The following CDH13 variants were observed in gnomAD, a reference collection of about 807,000 sequenced individuals.
CDH13 encodes cadherin-13.
A neutral mutation model predicts 63.8 loss-of-function variants in CDH13; 24 were observed. The observed-to-expected ratio is 0.38, with a 90% CI of 0.27 to 0.53. The LOEUF is 0.53. Ranked by LOEUF, CDH13 falls within the 20% of genes least tolerant of loss-of-function variation. The pLI, the probability that CDH13 is intolerant of heterozygous loss-of-function variation, is 0.85. For synonymous variants in CDH13, 503 were observed against 355.3 expected (o/e 1.42, Z -4.67); for missense variants, 1,049 against 903.1 (o/e 1.16, Z -2.07).
intron 1 of CDH13, among the ~76,000 whole-genome samples, chr16:82,845,087 G>A (rs1287517348): frequency 6.6e-6 from 1 of 152,122 alleles, no homozygotes; most frequent in African/African-American, 2.4e-5. Flanking sequence ...TTCTTTGGGA[G>A]GTGATCCAGG....
At chr16:83,487,040 C>T (rs970536322) in intron 7 of CDH13, among the ~76,000 whole-genome samples, 2 of 152,164 alleles carry the variant, frequency 1.3e-5, no homozygotes, top group African/African-American at 4.8e-5. Flanking sequence ...ATCACACAGG[C>T]TGTCCTTGTT....
intron 1 of CDH13, among the ~76,000 whole-genome samples, chr16:82,729,230 A>G (rs1597421664): frequency 6.6e-6 from 1 of 152,298 alleles, no homozygotes; most frequent in Admixed American, 6.5e-5. Flanking sequence ...AATGGCTTCT[A>G]GAATGGTGAA....
At chr16:83,606,872 A>G (rs1298702624) in intron 8 of CDH13, among the ~76,000 whole-genome samples, 1 of 152,122 alleles carries the variant, frequency 6.6e-6, no homozygotes, top group Non-Finnish European at 1.5e-5. Flanking sequence ...AGCACCAGGT[A>G]TAACAGCCAG....
chr16:83,274,701 C>T (rs558352713), intron 5 of CDH13, among the ~76,000 whole-genome samples: 19 of 151,932 alleles, frequency 1.3e-4, no homozygotes, highest in Non-Finnish European at 2.2e-4. Flanking sequence ...GCTTCTACTG[C>T]AATGGTTCTC....
intron 1 of CDH13, among the ~76,000 whole-genome samples, chr16:82,782,949 C>G (rs142748551): frequency 6.6e-6 from 1 of 152,172 alleles, no homozygotes; most frequent in Non-Finnish European, 1.5e-5. Flanking sequence ...ACTTCCCAAA[C>G]AAGAACATAG....
intron 6 of CDH13, among the ~76,000 whole-genome samples, chr16:83,468,783 TG>T (rs2073383118): frequency 6.6e-6 from 1 of 152,224 alleles, no homozygotes; most frequent in African/African-American, 2.4e-5. Context: ...TTTTAAGTTC[TG>T]GGATACGTGT....
chr16:82,849,733 T>C (rs4299147), intron 1 of CDH13, among the ~76,000 whole-genome samples: 59,316 of 152,124 alleles, frequency 0.39, 12,509 homozygotes, highest in East Asian at 0.83. Context: ...CTGGGACTAA[T>C]GCAACTGATG....
chr16:83,037,054 GA>G (rs1916926419), intron 3 of CDH13, among the ~76,000 whole-genome samples: 1 of 152,218 alleles, frequency 6.6e-6, no homozygotes, highest in African/African-American at 2.4e-5. Flanking sequence ...CTTAAGCAGA[GA>G]AACAGGCAGG....
At chr16:83,762,969 G>A (rs1385991433) in intron 11 of CDH13, among the ~76,000 whole-genome samples, 2 of 152,174 alleles carry the variant, frequency 1.3e-5, no homozygotes, top group African/African-American at 2.4e-5. Flanking sequence ...TTCCCCCTAA[G>A]GCTCAGGGCA....
intron 10 of CDH13, among the ~76,000 whole-genome samples, chr16:83,685,972 G>A (rs908569661): frequency 1.3e-5 from 2 of 152,180 alleles, no homozygotes; most frequent in African/African-American, 4.8e-5. Context: ...ACATTTTTAT[G>A]TAGAACTTTA....
chr16:83,271,222 T>C (rs2088796974), intron 5 of CDH13, among the ~76,000 whole-genome samples: 1 of 151,654 alleles, frequency 6.6e-6, no homozygotes, highest in Non-Finnish European at 1.5e-5. Context: ...CTGAATCACA[T>C]ATTGTATCCT....
chr16:82,690,226 G>T (rs1915513962), intron 1 of CDH13, among the ~76,000 whole-genome samples: 2 of 151,180 alleles, frequency 1.3e-5, no homozygotes, highest in South Asian at 4.2e-4. Context: ...GGTGGGGTTG[G>T]TGGAGGGAAA....
intron 6 of CDH13, among the ~76,000 whole-genome samples, chr16:83,429,268 T>G (rs558941713): frequency 1.3e-5 from 2 of 152,298 alleles, no homozygotes; most frequent in South Asian, 4.1e-4. Flanking sequence ...TTTCTAAGAT[T>G]GGTCCAGAGC....
intron 11 of CDH13, among the ~76,000 whole-genome samples, chr16:83,769,513 T>G (rs1914621121): frequency 6.6e-6 from 1 of 152,170 alleles, no homozygotes; most frequent in Non-Finnish European, 1.5e-5. Flanking sequence ...TGCTTCATCT[T>G]TGGAGCAAAA....
At chr16:83,238,209 C>T (rs571920985) in intron 5 of CDH13, among the ~76,000 whole-genome samples, 75 of 105,144 alleles carry the variant, frequency 7.1e-4, no homozygotes, top group Non-Finnish European at 1.2e-3. Context: ...ATACCTGAGA[C>T]TGGGTAATTC....
rs575055132 is a variant in CDH13, at chr16:83,058,529, C to G, written c.366+26311C>G. On this transcript the variant is annotated intron_variant, in intron 3 of 13. Transcript: ENST00000567109. ...TCTAACAAATGCTCTTGTCCAAATTCCAACCATGTTGCCAAGAGATGGCAT... is the reference window on the plus strand; with the variant it reads ...TCTAACAAATGCTCTTGTCCAAATTGCAACCATGTTGCCAAGAGATGGCAT... Among the ~76,000 whole-genome samples, 12 of 152,074 alleles carry G rather than the reference C, an allele frequency of 7.9e-5. No individual in the cohort carries two copies. In the South Asian group the frequency reaches 2.5e-3, roughly 32 times the overall value.
At chr16:82,950,482 A>T (rs1905180299) in intron 2 of CDH13, among the ~76,000 whole-genome samples, 1 of 152,136 alleles carries the variant, frequency 6.6e-6, no homozygotes, top group African/African-American at 2.4e-5. Flanking sequence ...TTCTTGTGGT[A>T]GTGAGTAAGT....
At chr16:82,877,924 G>GACACACACACACACACAC (rs1213536997) in intron 2 of CDH13, among the ~76,000 whole-genome samples, 9 of 129,286 alleles carry the variant, frequency 7.0e-5, no homozygotes, top group African/African-American at 2.3e-4. Context: ...CATACACATA[G>GACACACACACACACACAC]ACACACACAC....
At chr16:83,228,629 A>AGG (rs201031660) in intron 5 of CDH13, among the ~76,000 whole-genome samples, 1 of 152,208 alleles carries the variant, frequency 6.6e-6, no homozygotes, top group African/African-American at 2.4e-5. Flanking sequence ...CGGGGCAGGA[A>AGG]GGGTTTTGTG....
Sources: gnomAD v4.1 joint callset for allele counts (sites outside exome capture counted in the v4.1 genomes callset) on GRCh38, gnomAD v4.1.1 for gene constraint, MANE v1.5 for transcripts, NCBI Gene and HGNC (gene_info 2026-07-23, HGNC 2026-07-21) for gene names.